Variants in FSTL4 observed in about 807,000 individuals in gnomAD.
The protein encoded by FSTL4 is follistatin-related protein 4.
Under a neutral mutation model 78.2 loss-of-function variants are expected in FSTL4, and 28 were observed. That is an observed-to-expected ratio of 0.36 (90% CI 0.27 to 0.49). FSTL4 has a LOEUF of 0.49. Among genes scored for constraint, FSTL4 ranks in the 20% least tolerant of loss-of-function variants. The pLI, the probability that FSTL4 is intolerant of heterozygous loss-of-function variation, is 0.98. For synonymous variants in FSTL4, 422 were observed against 440.5 expected, an observed-to-expected ratio of 0.96 and a Z score of 0.53; for missense variants, 922 against 1,084.9, an observed-to-expected ratio of 0.85 and a Z score of 2.11.
the FSTL4 span, among the ~76,000 whole-genome samples, chr5:133,687,884 C>T: frequency 1.3e-5 from 2 of 152,234 alleles, no homozygotes; most frequent in African/African-American, 4.8e-5. Flanking sequence ...TTCAATCTGC[C>T]TGCTGCTCCC....
chr5:133,226,185 G>A (rs1262444158), intron 8 of FSTL4, among the ~76,000 whole-genome samples: 1 of 152,208 alleles, frequency 6.6e-6, no homozygotes, highest in African/African-American at 2.4e-5. Context: ...TCTGTTATCA[G>A]AAAGCCATTG....
intron 3 of FSTL4, among the ~76,000 whole-genome samples, chr5:133,512,279 C>T (rs927813109): frequency 6.6e-6 from 1 of 152,218 alleles, no homozygotes; most frequent in Non-Finnish European, 1.5e-5. Context: ...AGTTCAGACT[C>T]GATACTGATC....
At chr5:133,529,714 G>A (rs823984) in intron 3 of FSTL4, among the ~76,000 whole-genome samples, 11,211 of 152,182 alleles carry the variant, frequency 0.074, 552 homozygotes, top group Non-Finnish European at 0.1. Context: ...CTAAACAGAG[G>A]CTCAGCAAAT....
At chr5:133,469,421 A>G (rs1476716353) in intron 3 of FSTL4, among the ~76,000 whole-genome samples, 7 of 152,216 alleles carry the variant, frequency 4.6e-5, no homozygotes, top group African/African-American at 1.7e-4. Context: ...TGAATGACAG[A>G]TGACCCAGTT....
At chr5:133,731,181 C>T in the FSTL4 span, among the ~76,000 whole-genome samples, 6 of 152,064 alleles carry the variant, frequency 3.9e-5, no homozygotes, top group African/African-American at 9.7e-5. Flanking sequence ...AAAGCTCTCT[C>T]GGGGAGGTTG....
chr5:133,706,768 C>T, the FSTL4 span, among the ~76,000 whole-genome samples: 2 of 152,286 alleles, frequency 1.3e-5, no homozygotes, highest in Admixed American at 1.3e-4. Context: ...TTCATCCCAT[C>T]CCTCCCTCCT....
chr5:133,461,235 C>T (rs115702921), intron 3 of FSTL4, among the ~76,000 whole-genome samples: 183 of 152,282 alleles, frequency 1.2e-3, no homozygotes, highest in Non-Finnish European at 2.2e-3. Flanking sequence ...GGACAATACC[C>T]TAACTAGCAT....
At chr5:133,276,747 A>G (rs1317058752) in intron 6 of FSTL4, among the ~76,000 whole-genome samples, 2 of 152,234 alleles carry the variant, frequency 1.3e-5, no homozygotes, top group Admixed American at 1.3e-4. Flanking sequence ...AGAGATGCAT[A>G]CCAAAGGCTT....
chr5:133,438,621 GAGTGAGGA>G (rs1300513076), intron 3 of FSTL4, among the ~76,000 whole-genome samples: 1 of 152,346 alleles, frequency 6.6e-6, no homozygotes, highest in East Asian at 1.9e-4. Context: ...AGTGTGGGAC[GAGTGAGGA>G]ACACAGTGGG....
At chr5:133,388,785 A>C (rs1223868934) in intron 4 of FSTL4, among the ~76,000 whole-genome samples, 1 of 151,664 alleles carries the variant, frequency 6.6e-6, no homozygotes, top group Non-Finnish European at 1.5e-5. Context: ...AAGATAACCA[A>C]TCACTATTAT....
At chr5:133,787,219 G>A in the FSTL4 span, among the ~76,000 whole-genome samples, 8,374 of 152,258 alleles carry the variant, frequency 0.055, 687 homozygotes, top group African/African-American at 0.18. Flanking sequence ...CTAAAATACG[G>A]TTCACTATTT....
intron 4 of FSTL4, among the ~76,000 whole-genome samples, chr5:133,393,075 C>G (rs1755893804): frequency 6.6e-6 from 1 of 152,100 alleles, no homozygotes; most frequent in Non-Finnish European, 1.5e-5. Flanking sequence ...TTTTCTTGAT[C>G]CTGGAAGCAG....
At chr5:133,636,384 T>A in the FSTL4 span, among the ~76,000 whole-genome samples, 2 of 152,156 alleles carry the variant, frequency 1.3e-5, no homozygotes, top group African/African-American at 4.8e-5. Context: ...AAGCCCAGCC[T>A]GTGGGCTCTT....
chr5:133,682,219 G>C, the FSTL4 span, among the ~76,000 whole-genome samples: 2 of 152,214 alleles, frequency 1.3e-5, no homozygotes, highest in African/African-American at 4.8e-5. Context: ...GTGGAACTAA[G>C]GGGCTCTCTG....
At chr5:133,547,267 T>C (rs905998397) in intron 3 of FSTL4, among the ~76,000 whole-genome samples, 1 of 152,218 alleles carries the variant, frequency 6.6e-6, no homozygotes, top group East Asian at 1.9e-4. Context: ...AAGGGAAATG[T>C]CTATCTTATA....
intron 3 of FSTL4, among the ~76,000 whole-genome samples, chr5:133,527,871 C>T (rs914023716): frequency 2.6e-4 from 39 of 152,322 alleles, no homozygotes; most frequent in Admixed American, 1.2e-3. Context: ...AGCCACCCCA[C>T]ATGGCAGCCT....
At chr5:133,263,462 A>C (rs1752576688) in intron 6 of FSTL4, among the ~76,000 whole-genome samples, 1 of 151,988 alleles carries the variant, frequency 6.6e-6, no homozygotes, top group Non-Finnish European at 1.5e-5. Flanking sequence ...CTGAGGAAGA[A>C]GGGCCAAGGA....
At chr5:133,286,471 C>T (rs1753131789) in intron 6 of FSTL4, among the ~76,000 whole-genome samples, 1 of 152,202 alleles carries the variant, frequency 6.6e-6, no homozygotes, top group Admixed American at 6.5e-5. Context: ...TTTTGATGTA[C>T]ATCCACCCGC....
chr5:133,390,471 C>T (rs575637301), intron 4 of FSTL4, among the ~76,000 whole-genome samples: 1 of 152,368 alleles, frequency 6.6e-6, no homozygotes, highest in South Asian at 2.1e-4. Flanking sequence ...GGATCTGGCC[C>T]TCATGAGGCA....
Sources: allele counts gnomAD v4.1 joint callset (sites outside exome capture counted in the v4.1 genomes callset), GRCh38; gene constraint gnomAD v4.1.1; transcripts MANE v1.5; gene names NCBI Gene and HGNC (gene_info 2026-07-23, HGNC 2026-07-21).